The following DAPK1 variants were observed in gnomAD, a reference collection of about 807,000 sequenced individuals.
DAPK1 encodes death-associated protein kinase 1.
DAPK1 carries 56 observed loss-of-function variants against 144.9 expected under a neutral mutation model. The ratio of observed to expected loss-of-function variants is 0.39; its 90% CI spans 0.31 to 0.48. The LOEUF is 0.48. Ranked by LOEUF, DAPK1 falls within the 20% of genes least tolerant of loss-of-function variation. DAPK1 has a pLI of 0.95. For synonymous variants in DAPK1, 690 were observed against 749.0 expected, an observed-to-expected ratio of 0.92 and a Z score of 1.29; for missense variants, 1,454 against 1,875.4, an observed-to-expected ratio of 0.78 and a Z score of 4.15.
chr9:87,675,537 C>T (rs983082769), intron 19 of DAPK1, among the ~76,000 whole-genome samples: 15 of 152,088 alleles, frequency 9.9e-5, no homozygotes, highest in Non-Finnish European at 1.9e-4. Context: ...AGAGGCGGCA[C>T]AGCTCTATAG....
chr9:87,559,183 C>T (rs535986120), intron 2 of DAPK1, among the ~76,000 whole-genome samples: 5 of 152,216 alleles, frequency 3.3e-5, no homozygotes, highest in Admixed American at 3.3e-4. Context: ...AAATATTATC[C>T]TTGTTTTACA....
At chr9:87,690,689 G>A (rs928846163) in intron 21 of DAPK1, among the ~76,000 whole-genome samples, 3 of 151,962 alleles carry the variant, frequency 2.0e-5, no homozygotes, top group South Asian at 2.1e-4. Flanking sequence ...GTATGGGTTC[G>A]TCATGTATGG....
In DAPK1 at chr9:87,650,100, C is replaced by T. The variant is rs3818584; in HGVS notation, c.1608C>T (p.Asp536=). Residue 536 remains aspartate (D), a synonymous_variant, in exon 16 of 26, where the codon GAC becomes GAT. Transcript: ENST00000408954. ...AGTGTCTGGCCGAACATGGAGCCGA[C>T]CTTAATGCTTGCGACAAGGTGCCTT... ...IVECLAEHGA[D]LNACDKDGHI... is the part of the protein sequence containing the mutation. 613,701 of 1,613,562 alleles carry T rather than the reference C, an allele frequency of 0.38. 123,441 individuals carry two copies. The highest frequency in any genetic ancestry group is 0.61 in the Admixed American group (36,596 of 59,974).
At chr9:87,565,138 C>A (rs1304971683) in intron 2 of DAPK1, among the ~76,000 whole-genome samples, 1 of 152,122 alleles carries the variant, frequency 6.6e-6, no homozygotes, top group African/African-American at 2.4e-5. Context: ...CACGAATGCT[C>A]CAGAAAGCAC....
At chr9:87,700,499 A>C (rs1272770406) in intron 24 of DAPK1, among the ~76,000 whole-genome samples, 1 of 152,024 alleles carries the variant, frequency 6.6e-6, no homozygotes. Context: ...TATTTTATTT[A>C]TTTATTTTAT....
chr9:87,641,672 CAT>C (rs1193953803), intron 9 of DAPK1, among the ~76,000 whole-genome samples: 2 of 152,212 alleles, frequency 1.3e-5, no homozygotes, highest in Admixed American at 1.3e-4. Flanking sequence ...TGCCTCATAA[CAT>C]AGCCTCACCA....
At chr9:87,547,598 T>C (rs1826302466) in intron 2 of DAPK1, among the ~76,000 whole-genome samples, 1 of 151,188 alleles carries the variant, frequency 6.6e-6, no homozygotes, top group South Asian at 2.1e-4. Flanking sequence ...TGTGTGTGTG[T>C]GTGTGTGCGT....
In DAPK1 at chr9:87,686,609, C is replaced by A; in HGVS notation, c.2283C>A (p.Arg761=). The part of the protein sequence containing the change: ...PGCENVSVRS[R]SMMFEPGLTK... ...GCGAGAACGTGAGTGTGAGGAGCCG[C>A]AGCATGATGTTCGAGCCGGGTCTTA... Residue 761 remains arginine (R), a synonymous_variant, in exon 21 of 26, where the codon CGC becomes CGA. Transcript: ENST00000408954. The surrounding 1 kb of genome is among the most constrained non-coding windows in gnomAD (Gnocchi z 4.2). 6.2e-7 allele frequency: 1 copy of A among 1,606,464 alleles called. No individual in the cohort carries two copies. The highest frequency in any genetic ancestry group is 8.5e-7 in the Non-Finnish European group (1 of 1,175,536).
chr9:87,559,234 A>G (rs761642419), intron 2 of DAPK1, among the ~76,000 whole-genome samples: 1 of 151,958 alleles, frequency 6.6e-6, no homozygotes, highest in Non-Finnish European at 1.5e-5. Flanking sequence ...CATCTCTAGT[A>G]CTCTAGAGTT....
chr9:87,684,126 A>G (rs1824744453), intron 20 of DAPK1, among the ~76,000 whole-genome samples: 1 of 152,256 alleles, frequency 6.6e-6, no homozygotes, highest in African/African-American at 2.4e-5. Flanking sequence ...CGGGAAATGC[A>G]GAGCAGGGCA....
At position 87,650,034 on chromosome 9, in the gene DAPK1, C is replaced by T; in HGVS notation, c.1542C>T (p.Pro514=). ...VNIKNREGET[P]LLTASARGYH... is the part of the protein sequence containing the mutation. Reference sequence around the variant, plus strand: ...TCAAGAACCGAGAAGGAGAGACGCCCCTCCTGACAGCCTCTGCCAGGGGCT... The same window carrying T: ...TCAAGAACCGAGAAGGAGAGACGCCTCTCCTGACAGCCTCTGCCAGGGGCT... The change falls in exon 16 of 26, where the codon CCC becomes CCT. Residue 514 remains proline (P), a synonymous_variant. Transcript: ENST00000408954. 6.2e-7 allele frequency: 1 copy of T among 1,614,146 alleles called. No individual in the cohort carries two copies. The highest frequency in any genetic ancestry group is 1.1e-5 in the South Asian group (1 of 91,076).
intron 2 of DAPK1, among the ~76,000 whole-genome samples, chr9:87,531,977 G>A (rs759866812): frequency 6.6e-6 from 1 of 152,130 alleles, no homozygotes; most frequent in Non-Finnish European, 1.5e-5. Context: ...CCTTTTAAGA[G>A]GCATCATCAT....
At position 87,702,242 on chromosome 9, in the gene DAPK1, G is replaced by A. The variant is rs36219452; in HGVS notation, c.2872-787G>A. ...GAGGGGAGTGCGGAATTAATGGCAC[G>A]GTGTAGCCTGTGGCTTATGTGGTTT... On this transcript the variant is annotated intron_variant, in intron 24 of 25. Coordinates refer to ENST00000408954, the MANE Select transcript of DAPK1 (RefSeq NM_004938.4). 5.6e-3 allele frequency among the ~76,000 whole-genome samples: 860 copies of A among 152,268 alleles called. 11 individuals are homozygous for A. Among genetic ancestry groups the A allele is most frequent in the African/African-American group, 0.02 (815 of 41,526 alleles).
At position 87,639,793 on chromosome 9, in the gene DAPK1, A is replaced by G. The variant is rs1830033102; in HGVS notation, c.607A>G (p.Ile203Val). 1 of 1,613,748 alleles carries G rather than the reference A, an allele frequency of 6.2e-7. No homozygotes were observed. The highest frequency in any genetic ancestry group is 8.5e-7 in the Non-Finnish European group (1 of 1,179,686). ...TTTGTTTTGTGTTGTTTTTAGGAGTATCGGGGTAATAACCTATATCCTGTA... is the reference window on the plus strand; with the variant it reads ...TTTGTTTTGTGTTGTTTTTAGGAGTGTCGGGGTAATAACCTATATCCTGTA... ...PLGLEADMWS[I>V]GVITYILLSG... Residue 203 changes from isoleucine to valine, a missense_variant, in exon 7 of 26, where the codon ATC becomes GTC. Ile to Val is a conservative substitution (Grantham distance 29). Coordinates refer to ENST00000408954, the MANE Select transcript of DAPK1 (RefSeq NM_004938.4).
At chr9:87,588,842 T>C (rs66879328) in intron 2 of DAPK1, among the ~76,000 whole-genome samples, 15,530 of 151,498 alleles carry the variant, frequency 0.1, 1,473 homozygotes, top group African/African-American at 0.25. Context: ...GTGCACTAAA[T>C]GAAAATCTCC....
At chr9:87,704,600 T>C (rs993745413) in intron 25 of DAPK1, among the ~76,000 whole-genome samples, 6 of 152,234 alleles carry the variant, frequency 3.9e-5, no homozygotes, top group African/African-American at 1.4e-4. Context: ...CTTAGCTCCC[T>C]GTTCTCCTCC....
rs1041353219 is a variant in DAPK1, at chr9:87,707,614, G to A, written c.*250G>A. ...TTTACTTTGGCCGCTTGAAAAGCTA[G>A]TGTACCTCCTCTCAGTGTTTTGGAC... On this transcript the variant is annotated 3_prime_UTR_variant, in exon 26 of 26. Transcript: ENST00000408954. The surrounding 1 kb of genome is among the most constrained non-coding windows in gnomAD (Gnocchi z 4.0). 14 of 546,138 alleles carry A rather than the reference G, an allele frequency of 2.6e-5. No individual in the cohort carries two copies. Among genetic ancestry groups the A allele is most frequent in the Non-Finnish European group, 4.3e-5 (13 of 305,724 alleles). 33.8% of individuals were successfully genotyped at this position (546,138 alleles called of 1,614,324 possible). A position where few individuals can be genotyped will look rare whatever the true frequency, so the allele number is the denominator to read the frequency against.
In DAPK1 at chr9:87,650,260, A is replaced by G. The variant is rs569895451; in HGVS notation, c.1626+142A>G. ...TTACCCCGTCTCTTCTCTGTTCCAAAGATTCTGTGAACTTTTCTATATTGT... is the reference window on the plus strand; with the variant it reads ...TTACCCCGTCTCTTCTCTGTTCCAAGGATTCTGTGAACTTTTCTATATTGT... On this transcript the variant is annotated intron_variant, in intron 16 of 25. Transcript: ENST00000408954. 1.2e-4 allele frequency: 93 copies of G among 751,858 alleles called. 1 individual carries two copies. The South Asian group carries it at 1.4e-3, about 12-fold the overall frequency. The allele number at this position is 751,858 out of a possible 1,614,324, so 46.6% of individuals were successfully genotyped here.
At chr9:87,519,871 C>T (rs541414261) in intron 2 of DAPK1, among the ~76,000 whole-genome samples, 14 of 152,150 alleles carry the variant, frequency 9.2e-5, no homozygotes, top group South Asian at 4.2e-4. Context: ...AGAATAGGGC[C>T]GAGAGGACAT....
Sources: gnomAD v4.1 joint callset for allele counts (sites outside exome capture counted in the v4.1 genomes callset) on GRCh38, gnomAD v4.1.1 for gene constraint, Gnocchi (gnomAD v3.1) non-coding constraint, MANE v1.5 for transcripts, NCBI Gene and HGNC (gene_info 2026-07-23, HGNC 2026-07-21) for gene names.